FBXW11: variants seen among roughly 807,000 people sequenced by gnomAD.
FBXW11 encodes F-box/WD repeat-containing protein 11.
FBXW11 carries 19 observed loss-of-function variants against 77.6 expected under a neutral mutation model. That is an observed-to-expected ratio of 0.24 (90% confidence interval 0.17 to 0.36). The LOEUF is 0.36. FBXW11 is among the 10% of genes least tolerant of loss of function. The pLI, the probability that FBXW11 is intolerant of heterozygous loss-of-function variation, is 1.00. For missense variants in FBXW11, 334 were observed against 704.2 expected (o/e 0.47, Z 5.95); for synonymous variants, 235 against 249.4 (o/e 0.94, Z 0.54).
At chr5:171,950,033 T>A (rs2541050) in intron 2 of FBXW11, among the ~76,000 whole-genome samples, 140,109 of 152,176 alleles carry the variant, frequency 0.92, 64,650 homozygotes, top group East Asian at 1. Flanking sequence ...TCAAAACTGG[T>A]AGCAGTCTTA....
At chr5:171,882,906 C>A (rs1758619777) in intron 7 of FBXW11, among the ~76,000 whole-genome samples, 1 of 151,964 alleles carries the variant, frequency 6.6e-6, no homozygotes, top group Non-Finnish European at 1.5e-5. Context: ...ATATACTGCA[C>A]CATATTTGTA....
intron 1 of FBXW11, among the ~76,000 whole-genome samples, chr5:171,968,183 G>A (rs1764323374): frequency 6.6e-6 from 1 of 151,708 alleles, no homozygotes; most frequent in Non-Finnish European, 1.5e-5. Context: ...GTTGCCGGGC[G>A]CAGTGGCTCA....
In FBXW11 at chr5:171,862,641, A is replaced by G. The variant is rs768891795; in HGVS notation, c.*1486T>C. 1 of 152,684 alleles carries G rather than the reference A, an allele frequency of 6.5e-6. No homozygotes were observed. Among genetic ancestry groups the G allele is most frequent in the Non-Finnish European group, 1.5e-5 (1 of 68,052 alleles). The allele number at this position is 152,684 out of a possible 1,614,324, so 9.5% of individuals were successfully genotyped here. A position where few individuals can be genotyped will look rare whatever the true frequency, so the allele number is the denominator to read the frequency against. On this transcript the variant is annotated 3_prime_UTR_variant, in exon 14 of 14. Coordinates refer to ENST00000517395, the MANE Select transcript of FBXW11 (RefSeq NM_001378974.1). ...CATGCACTGTCAGGGCAACAGTGCC[A>G]TTTACACATTTGGGCTGTGTCGTAG...
intron 1 of FBXW11, among the ~76,000 whole-genome samples, chr5:172,001,168 G>A (rs1766389135): frequency 6.6e-6 from 1 of 152,074 alleles, no homozygotes; most frequent in African/African-American, 2.4e-5. Flanking sequence ...ATCTTAAAAG[G>A]TTTCACTGCA....
chr5:171,984,670 T>C (rs1561749040), intron 1 of FBXW11, among the ~76,000 whole-genome samples: 1 of 152,208 alleles, frequency 6.6e-6, no homozygotes, highest in Non-Finnish European at 1.5e-5. Context: ...CTAGTAGCGA[T>C]TGTAGGAAAA....
intron 1 of FBXW11, 147 bp downstream of exon 1, chr5:172,006,311 T>C (rs1290889965): frequency 9.7e-6 from 6 of 616,640 alleles, no homozygotes; most frequent in Non-Finnish European, 1.5e-5. Context: ...CCGCGCCAGG[T>C]CCGAGGCCAG....
chr5:171,870,710 C>T lies in FBXW11; in HGVS notation c.1451+38G>A, dbSNP rs367632533. ...ATAACATTTCTCTTTCTTCTTGATA[C>T]AGTTATAGCAGTACATCTGAAAATC... On this transcript the variant is annotated intron_variant, in intron 11 of 13. Transcript: ENST00000517395. 79 of 1,407,424 alleles carry T rather than the reference C, an allele frequency of 5.6e-5. No homozygotes were observed. The African/African-American group carries it at 1.0e-3, about 19-fold the overall frequency. 87.2% of individuals were successfully genotyped at this position (1,407,424 alleles called of 1,614,324 possible).
chr5:171,943,742 C>T (rs1481788949), intron 2 of FBXW11, among the ~76,000 whole-genome samples: 2 of 152,234 alleles, frequency 1.3e-5, no homozygotes, highest in African/African-American at 4.8e-5. Context: ...AGCCACCGGG[C>T]ATGGCCTAGA....
At chr5:171,908,564 A>AT (rs1265290943) in intron 4 of FBXW11, 2 of 152,162 alleles carry the variant, frequency 1.3e-5, no homozygotes, top group Non-Finnish European at 2.9e-5. Flanking sequence ...GAAAGAGAGG[A>AT]TTTACGTTTT....
intron 4 of FBXW11, among the ~76,000 whole-genome samples, chr5:171,903,339 T>A (rs1760264591): frequency 6.6e-6 from 1 of 152,050 alleles, no homozygotes; most frequent in Non-Finnish European, 1.5e-5. Context: ...GCTCAAGCAA[T>A]CCTCCTGCCT....
chr5:171,900,786 T>C (rs890019810), intron 4 of FBXW11, among the ~76,000 whole-genome samples: 15 of 152,156 alleles, frequency 9.9e-5, no homozygotes, highest in Admixed American at 9.2e-4. Context: ...TCAAAAGCAA[T>C]AGCCCCATGT....
intron 1 of FBXW11, among the ~76,000 whole-genome samples, chr5:171,991,056 C>T (rs996494861): frequency 1.3e-5 from 2 of 152,074 alleles, no homozygotes; most frequent in Admixed American, 1.3e-4. Flanking sequence ...GAACTCCTAA[C>T]CTCAGGTGAT....
chr5:171,951,699 G>C (rs1763328395), intron 2 of FBXW11, among the ~76,000 whole-genome samples: 1 of 152,118 alleles, frequency 6.6e-6, no homozygotes, highest in South Asian at 2.1e-4. Flanking sequence ...CCATGTTGGT[G>C]ACCTCAGGTG....
intron 7 of FBXW11, among the ~76,000 whole-genome samples, chr5:171,884,583 G>A (rs1367050287): frequency 3.3e-5 from 5 of 152,104 alleles, no homozygotes; most frequent in African/African-American, 1.2e-4. Context: ...TGAAGAATGA[G>A]AAAGGAATGG....
rs1161464743 is a variant in FBXW11 at position 172,006,560 on chromosome 5, AGGAGGCGACGGC to A, written c.-70_-59del. 6.9e-7 allele frequency: 1 copy of A among 1,454,068 alleles called. No homozygotes were observed. The highest frequency in any genetic ancestry group is 1.5e-5 in the African/African-American group (1 of 67,638). 90.1% of individuals were successfully genotyped at this position (1,454,068 alleles called of 1,614,324 possible). On this transcript the variant is annotated 5_prime_UTR_variant, in exon 1 of 14. Transcript: ENST00000517395. ...GCGCAGCAGCGAACGGCCCGGGCGG[AGGAGGCGACGGC>A]GGAGGCGGCAGAGGCGGAGGCGGCT...
At chr5:171,914,186 T>A (rs1302273964) in intron 3 of FBXW11, among the ~76,000 whole-genome samples, 157 bp downstream of exon 3, 4 of 152,202 alleles carry the variant, frequency 2.6e-5, no homozygotes, top group Non-Finnish European at 2.9e-5. Context: ...CAATTCCCTA[T>A]GGAATGAAGA....
At chr5:171,996,003 G>T (rs968323625) in intron 1 of FBXW11, among the ~76,000 whole-genome samples, 1 of 152,158 alleles carries the variant, frequency 6.6e-6, no homozygotes, top group Non-Finnish European at 1.5e-5. Flanking sequence ...TGAGTAACTG[G>T]CAGTTTATGC....
chr5:171,966,397 TCA>T lies in FBXW11; in HGVS notation c.46-8701_46-8700del, dbSNP rs149420533. ...AACTACCACCCATGATTCAAAAATG[TCA>T]CCAAGTTTTTCAGAGCTCTTACAGA... On this transcript the variant is annotated intron_variant, in intron 1 of 13. Transcript: ENST00000517395. Among the ~76,000 whole-genome samples the T allele has an allele frequency of 5.7e-3, 872 of 152,288 alleles. 10 individuals carry two copies. Among genetic ancestry groups the T allele is most frequent in the African/African-American group, 0.02 (827 of 41,544 alleles).
intron 1 of FBXW11, among the ~76,000 whole-genome samples, chr5:171,967,735 A>C (rs1478815941): frequency 4.0e-5 from 6 of 151,614 alleles, no homozygotes; most frequent in African/African-American, 1.5e-4. Context: ...GCTACTCAGG[A>C]GGTTGAGGCA....
Sources: gnomAD v4.1 joint callset for allele counts (sites outside exome capture counted in the v4.1 genomes callset) on GRCh38, gnomAD v4.1.1 for gene constraint, MANE v1.5 for transcripts, NCBI Gene and HGNC (gene_info 2026-07-23, HGNC 2026-07-21) for gene names.